FKBP9: variants seen among roughly 807,000 people sequenced by gnomAD.
FKBP9 encodes the protein peptidyl-prolyl cis-trans isomerase FKBP9.
FKBP9 carries 27 observed loss-of-function variants against 55.6 expected under a neutral mutation model. The observed-to-expected ratio is 0.49, with a 90% CI of 0.36 to 0.67. The LOEUF (loss-of-function observed/expected upper bound fraction) is 0.67, where lower values mean the gene tolerates loss of function less well. Ranked by LOEUF, FKBP9 falls within the 30% of genes least tolerant of loss-of-function variation. The pLI, the probability that FKBP9 is intolerant of heterozygous loss-of-function variation, is 0.00. For missense variants in FKBP9, 539 were observed against 742.8 expected (o/e 0.73, Z 3.19); for synonymous variants, 267 against 296.5 (o/e 0.90, Z 1.02).
Position 32,957,657 on chromosome 7 carries a change from G to A in FKBP9, c.84G>A (p.Ala28=). 1 of 1,505,042 alleles carries A rather than the reference G, an allele frequency of 6.6e-7. No individual in the cohort carries two copies. 93.2% of individuals were successfully genotyped at this position (1,505,042 alleles called of 1,614,324 possible). The change falls in exon 1 of 10, where the codon GCG becomes GCA. Residue 28 remains alanine, a synonymous_variant. Coordinates refer to ENST00000242209, the MANE Select transcript of FKBP9 (RefSeq NM_007270.5). ...TGACCGGGCAGGCAGCGCCCGTGGC[G>A]GGCCTGGGCTCCGACGCGGAGCTGC... is the stretch of plus-strand genomic sequence containing the variant. ...LWVTGQAAPV[A]GLGSDAELQI...
chr7:32,984,069 A>T (rs1784531401), intron 5 of FKBP9, among the ~76,000 whole-genome samples: 1 of 152,204 alleles, frequency 6.6e-6, no homozygotes, highest in Admixed American at 6.5e-5. Flanking sequence ...GTTGTTAAAT[A>T]CATTAGACTT....
At chr7:32,966,576 G>T (rs968160983) in intron 1 of FKBP9, among the ~76,000 whole-genome samples, 23 of 152,124 alleles carry the variant, frequency 1.5e-4, no homozygotes, top group African/African-American at 4.1e-4. Context: ...TTGTCTTCTG[G>T]CTTTGGTTGG....
intron 5 of FKBP9, among the ~76,000 whole-genome samples, chr7:32,985,026 T>C (rs1015323999): frequency 6.6e-6 from 1 of 152,120 alleles, no homozygotes; most frequent in Middle Eastern, 3.2e-3. Context: ...TTTTAAAAAA[T>C]AGCTTTTTTT....
Position 33,000,274 on chromosome 7 carries a change from G to A in FKBP9, c.1372+14G>A, listed in dbSNP as rs369317981. ...AAGCTGGCGTGGGTGAGTAAGCAAC[G>A]CTATTCAAGGGTGTTGGGGGCCCGC... On this transcript the variant is annotated intron_variant, in intron 8 of 9. Coordinates refer to ENST00000242209, the MANE Select transcript of FKBP9 (RefSeq NM_007270.5). 4.0e-5 allele frequency: 64 copies of A among 1,603,914 alleles called. No homozygotes were observed. Among genetic ancestry groups the A allele is most frequent in the South Asian group, 3.9e-4 (35 of 90,752 alleles).
At chr7:32,993,076 G>A (rs1269981280) in intron 6 of FKBP9, 1 of 232,430 alleles carries the variant, frequency 4.3e-6, no homozygotes, top group Non-Finnish European at 8.5e-6. Context: ...CAGGGATGTG[G>A]GTGGTTCCAG....
At chr7:32,999,253 C>A (rs1283656773) in intron 7 of FKBP9, among the ~76,000 whole-genome samples, 1 of 152,110 alleles carries the variant, frequency 6.6e-6, no homozygotes, top group Non-Finnish European at 1.5e-5. Flanking sequence ...AAGGGGCACC[C>A]GTCCATGTTG....
intron 6 of FKBP9, chr7:32,995,143 T>C (rs1292999965): frequency 6.6e-6 from 1 of 152,018 alleles, no homozygotes; most frequent in South Asian, 2.1e-4. Context: ...GCTAATTTTT[T>C]TGTAGAGACA....
chr7:32,990,451 C>T (rs1166100187), intron 6 of FKBP9, among the ~76,000 whole-genome samples: 3 of 152,100 alleles, frequency 2.0e-5, no homozygotes, highest in Non-Finnish European at 4.4e-5. Flanking sequence ...AATCCGTTTG[C>T]GTTGTTTTAA....
intron 1 of FKBP9, among the ~76,000 whole-genome samples, chr7:32,963,070 T>C (rs1487535071): frequency 6.6e-6 from 1 of 152,242 alleles, no homozygotes; most frequent in East Asian, 1.9e-4. Context: ...GGATTTCTTC[T>C]TGCTGAAGCC....
chr7:32,996,251 C>A lies in FKBP9; in HGVS notation c.1128C>A (p.His376Gln). 6.2e-7 allele frequency: 1 copy of A among 1,614,096 alleles called. No individual in the cohort carries two copies. Among genetic ancestry groups the A allele is most frequent in the Non-Finnish European group, 8.5e-7 (1 of 1,179,924 alleles). Residue 376 changes from histidine (H) to glutamine (Q), a missense_variant, in exon 7 of 10, where the codon CAC (histidine) becomes CAA (glutamine). By Grantham distance (24) the His-to-Gln change is conservative. Coordinates refer to ENST00000242209, the MANE Select transcript of FKBP9 (RefSeq NM_007270.5). The part of the protein sequence containing the change: ...NPSDSISITS[H>Q]YKPPDCSVLS... ...CGGACTCCATCAGCATCACCTCCCA[C>A]TACAAACCCCCTGACTGCTCAGTGC...
At chr7:32,962,544 C>T (rs887043663) in intron 1 of FKBP9, among the ~76,000 whole-genome samples, 1 of 152,020 alleles carries the variant, frequency 6.6e-6, no homozygotes, top group African/African-American at 2.4e-5. Flanking sequence ...TGCAGTCTCA[C>T]ATCACTGCAG....
intron 4 of FKBP9, chr7:32,979,468 G>A (rs1784428931): frequency 1.3e-6 from 2 of 1,505,262 alleles, no homozygotes; most frequent in Non-Finnish European, 1.8e-6. Context: ...TCATTCCTTG[G>A]ATGGGAAGGA....
intron 1 of FKBP9, among the ~76,000 whole-genome samples, chr7:32,962,746 G>C (rs1235071752): frequency 1.3e-5 from 2 of 152,064 alleles, no homozygotes; most frequent in African/African-American, 4.8e-5. Flanking sequence ...CAGGTGCCAA[G>C]GATGTAACAG....
At position 32,972,666 on chromosome 7, in the gene FKBP9, C is replaced by T. The variant is rs188767920; in HGVS notation, c.222-1951C>T. Among the ~76,000 whole-genome samples the T allele has an allele frequency of 2.4e-3, 371 of 152,104 alleles. 2 individuals are homozygous for T. The highest frequency in any genetic ancestry group is 8.0e-3 in the African/African-American group (331 of 41,498). ...ATTGCCTTGTGGATTTTTTCATATG[C>T]ATCTATATATGTAAGTTGAAAACGG... On this transcript the variant is annotated intron_variant, in intron 1 of 9. Coordinates refer to ENST00000242209, the MANE Select transcript of FKBP9 (RefSeq NM_007270.5).
At chr7:32,959,422 AAAC>A (rs1783974610) in intron 1 of FKBP9, among the ~76,000 whole-genome samples, 1 of 152,194 alleles carries the variant, frequency 6.6e-6, no homozygotes, top group Non-Finnish European at 1.5e-5. Context: ...ACAAAACAAA[AAAC>A]AAAAAACGAA....
At chr7:32,963,212 A>C (rs1371344090) in intron 1 of FKBP9, among the ~76,000 whole-genome samples, 1 of 151,982 alleles carries the variant, frequency 6.6e-6, no homozygotes, top group African/African-American at 2.4e-5. Flanking sequence ...TGAGTAGTGC[A>C]TGCTCAAGGA....
chr7:32,993,603 T>C (rs1488778251), intron 6 of FKBP9, among the ~76,000 whole-genome samples: 2 of 152,232 alleles, frequency 1.3e-5, no homozygotes, highest in Non-Finnish European at 2.9e-5. Context: ...AGCAGGCGGA[T>C]AACCTGAGGT....
At chr7:32,980,334 G>A (rs759450292) in intron 4 of FKBP9, 30 bp from the exon 5 acceptor site, 49 of 1,585,236 alleles carry the variant, frequency 3.1e-5, no homozygotes, top group Admixed American at 6.8e-5. Flanking sequence ...CCTGTGTCCC[G>A]TTTAATCATC....
chr7:32,993,513 A>C (rs377183637), intron 6 of FKBP9, among the ~76,000 whole-genome samples: 1 of 152,160 alleles, frequency 6.6e-6, no homozygotes, highest in African/African-American at 2.4e-5. Context: ...TTCAAGGTCT[A>C]TTTGTATTTT....
Sources: allele counts gnomAD v4.1 joint callset (sites outside exome capture counted in the v4.1 genomes callset), GRCh38; gene constraint gnomAD v4.1.1; transcripts MANE v1.5; gene names NCBI Gene and HGNC (gene_info 2026-07-23, HGNC 2026-07-21).